LDB2: variants seen among roughly 807,000 people sequenced by gnomAD.
The protein encoded by LDB2 is LIM domain binding 2, also known as LIM domain-binding protein 2.
LDB2 carries 12 observed loss-of-function variants against 44.3 expected under a neutral mutation model. The observed-to-expected ratio is 0.27, with a 90% CI of 0.17 to 0.44. LDB2 has a LOEUF of 0.44. Among genes scored for constraint, LDB2 ranks in the 20% least tolerant of loss-of-function variants. LDB2 has a pLI of 1.00. For synonymous variants in LDB2, 164 were observed against 174.8 expected, an observed-to-expected ratio of 0.94 and a Z score of 0.49; for missense variants, 344 against 473.5, an observed-to-expected ratio of 0.73 and a Z score of 2.54.
rs536325827 is a variant in LDB2 at position 16,798,504 on chromosome 4, T to C, written c.133-39244A>G. Among the ~76,000 whole-genome samples, 3 of 152,338 alleles carry C rather than the reference T, an allele frequency of 2.0e-5. No individual in the cohort carries two copies. In the East Asian group the frequency reaches 5.8e-4, roughly 29 times the overall value. On this transcript the variant is annotated intron_variant, in intron 1 of 7. Coordinates refer to ENST00000304523, the MANE Select transcript of LDB2 (RefSeq NM_001290.5). The stretch of plus-strand genomic sequence containing the variant: ...AACACACCAACAAAATCAATTGTTA[T>C]CTACTTTGTAATTTGAGAAGCACCT...
chr4:16,708,164 GA>G (rs375109407), intron 2 of LDB2, among the ~76,000 whole-genome samples: 31 of 151,744 alleles, frequency 2.0e-4, no homozygotes, highest in Admixed American at 9.9e-4. Context: ...AACTTTGGGG[GA>G]AAAAAAAGTC....
chr4:16,578,214 C>T (rs1577921340), intron 5 of LDB2, among the ~76,000 whole-genome samples: 1 of 152,158 alleles, frequency 6.6e-6, no homozygotes, highest in Admixed American at 6.5e-5. Flanking sequence ...GAGGTCACAT[C>T]AAGTTAAAAA....
intron 3 of LDB2, among the ~76,000 whole-genome samples, chr4:16,590,841 C>T (rs6813064): frequency 0.96 from 146,677 of 152,274 alleles, 70,852 homozygotes; most frequent in Non-Finnish European, 1. Context: ...GAGAGTTGAG[C>T]GCATAGAAAA....
At chr4:16,645,101 C>A (rs1171387617) in intron 2 of LDB2, among the ~76,000 whole-genome samples, 1 of 152,222 alleles carries the variant, frequency 6.6e-6, no homozygotes, top group South Asian at 2.1e-4. Context: ...AAAAGGAGCA[C>A]AGGCAAATAA....
At chr4:16,581,367 A>G (rs955176969) in intron 5 of LDB2, 3 of 969,392 alleles carry the variant, frequency 3.1e-6, no homozygotes, top group Non-Finnish European at 3.7e-6. Flanking sequence ...CATACTGTTT[A>G]ACTTACTCCC....
At chr4:16,760,368 C>T (rs1767627756) in intron 1 of LDB2, among the ~76,000 whole-genome samples, 1 of 152,014 alleles carries the variant, frequency 6.6e-6, no homozygotes, top group Admixed American at 6.6e-5. Flanking sequence ...ACCCTCAGTC[C>T]CAGCAAGAAT....
chr4:16,561,297 G>T (rs192983875), intron 5 of LDB2, among the ~76,000 whole-genome samples: 1 of 152,100 alleles, frequency 6.6e-6, no homozygotes, highest in African/African-American at 2.4e-5. Context: ...TGCAGATGAC[G>T]TGATTGTATA....
At chr4:16,873,577 C>G (rs910731764) in intron 1 of LDB2, among the ~76,000 whole-genome samples, 1 of 152,056 alleles carries the variant, frequency 6.6e-6, no homozygotes, top group Non-Finnish European at 1.5e-5. Context: ...CAAAGAAAAA[C>G]CAAATTATTC....
At chr4:16,556,283 T>G (rs1739547202) in intron 5 of LDB2, among the ~76,000 whole-genome samples, 1 of 152,242 alleles carries the variant, frequency 6.6e-6, no homozygotes. Flanking sequence ...TAGCACCAAG[T>G]CTGGCATCCA....
At chr4:16,685,894 C>CA (rs1371021754) in intron 2 of LDB2, among the ~76,000 whole-genome samples, 1 of 151,552 alleles carries the variant, frequency 6.6e-6, no homozygotes, top group African/African-American at 2.4e-5. Context: ...ACTAAAAATC[C>CA]AAAAAAAAGT....
Position 16,749,578 on chromosome 4 carries a change from A to AT in LDB2, c.235+9579_235+9580insA, listed in dbSNP as rs1182076137. ...CATCTCAAAAAAAAAAAAAATAAAA[A>AT]AATAAAAAAAAATATATATATATAT... On this transcript the variant is annotated intron_variant, in intron 2 of 7. Transcript: ENST00000304523. Among the ~76,000 whole-genome samples the AT allele has an allele frequency of 6.0e-4, 82 of 137,030 alleles. No homozygotes were observed. In the East Asian group the frequency reaches 7.1e-3, roughly 12 times the overall value. The allele number at this position is 137,030 out of a possible 152,430, so 89.9% of individuals were successfully genotyped here. A position where few individuals can be genotyped will look rare whatever the true frequency, so the allele number is the denominator to read the frequency against.
chr4:16,887,699 G>GAA (rs138636395), intron 1 of LDB2, among the ~76,000 whole-genome samples: 1 of 147,820 alleles, frequency 6.8e-6, no homozygotes, highest in African/African-American at 2.5e-5. Flanking sequence ...AAAAGGAAAA[G>GAA]AAAAAAAAAG....
intron 3 of LDB2, among the ~76,000 whole-genome samples, chr4:16,591,288 G>T (rs1718854162): frequency 6.6e-6 from 1 of 152,208 alleles, no homozygotes; most frequent in South Asian, 2.1e-4. Context: ...AGATTACTCA[G>T]TTGGAGCATC....
At chr4:16,534,174 C>T (rs1340170151) in intron 5 of LDB2, among the ~76,000 whole-genome samples, 1 of 152,122 alleles carries the variant, frequency 6.6e-6, no homozygotes. Flanking sequence ...ACAGTGCCTG[C>T]AGGGAGGAAA....
At chr4:16,540,189 C>T (rs144569679) in intron 5 of LDB2, among the ~76,000 whole-genome samples, 20 of 152,194 alleles carry the variant, frequency 1.3e-4, no homozygotes, top group African/African-American at 4.6e-4. Flanking sequence ...CCACCAGGCC[C>T]CTCCTCCAAA....
chr4:16,658,896 A>G (rs956536642), intron 2 of LDB2, among the ~76,000 whole-genome samples: 2 of 152,210 alleles, frequency 1.3e-5, no homozygotes, highest in Non-Finnish European at 2.9e-5. Context: ...TCGAAACCTA[A>G]GGACTGAAAG....
intron 1 of LDB2, among the ~76,000 whole-genome samples, chr4:16,841,465 A>G (rs1785878038): frequency 6.6e-6 from 1 of 152,250 alleles, no homozygotes; most frequent in African/African-American, 2.4e-5. Context: ...ATGTGCACTT[A>G]GTAAACAGGT....
At chr4:16,591,709 T>C (rs1293267183) in intron 3 of LDB2, among the ~76,000 whole-genome samples, 1 of 151,956 alleles carries the variant, frequency 6.6e-6, no homozygotes, top group Admixed American at 6.6e-5. Flanking sequence ...AGCCAGCAAA[T>C]GGAATGGAGG....
At position 16,595,851 on chromosome 4, in the gene LDB2, C is replaced by T. The variant is rs773610304; in HGVS notation, c.260G>A (p.Arg87His). 4.3e-6 allele frequency: 7 copies of T among 1,612,682 alleles called. No individual in the cohort carries two copies. The highest frequency in any genetic ancestry group is 1.7e-5 in the Admixed American group (1 of 59,842). ...RYTIGRTLIP[R>H]YFSTVFEGGV... ...TCCTTCAAACACAGTGCTAAAGTAACGGGGGATGAGGGTCCTGCCGATAGC... is the reference window on the plus strand; with the variant it reads ...TCCTTCAAACACAGTGCTAAAGTAATGGGGGATGAGGGTCCTGCCGATAGC... The change falls in exon 3 of 8, where the codon CGT becomes CAT. Residue 87 changes from arginine to histidine, a missense_variant. By Grantham distance (29) the Arg-to-His change is conservative. Coordinates refer to ENST00000304523, the MANE Select transcript of LDB2 (RefSeq NM_001290.5).
Sources: allele counts gnomAD v4.1 joint callset (sites outside exome capture counted in the v4.1 genomes callset), GRCh38; gene constraint gnomAD v4.1.1; transcripts MANE v1.5; gene names NCBI Gene and HGNC (gene_info 2026-07-23, HGNC 2026-07-21).